The following MTMR2 variants were observed in gnomAD, a reference collection of about 807,000 sequenced individuals.
The protein encoded by MTMR2 is phosphatidylinositol-3,5-bisphosphate 3-phosphatase MTMR2.
In MTMR2, 55 loss-of-function variants were observed where a neutral mutation model predicts 86.9. The ratio of observed to expected loss-of-function variants is 0.63; its 90% CI spans 0.51 to 0.79. MTMR2 has a LOEUF of 0.79. MTMR2 is among the 30% of genes least tolerant of loss of function. The probability of loss-of-function intolerance (pLI) is 0.00; values close to 1 mark genes in which losing one functional copy is unlikely to be tolerated. For missense variants in MTMR2, 659 were observed against 772.3 expected (o/e 0.85, Z 1.74); for synonymous variants, 241 against 266.8 (o/e 0.90, Z 0.94).
chr11:95,867,504 A>T (rs751808588), intron 2 of MTMR2, among the ~76,000 whole-genome samples: 7 of 152,200 alleles, frequency 4.6e-5, no homozygotes, highest in Non-Finnish European at 7.3e-5. Flanking sequence ...TGAGAACCAC[A>T]CATAGGCTTT....
chr11:95,903,887 G>T (rs541486087), intron 1 of MTMR2, among the ~76,000 whole-genome samples: 1 of 152,250 alleles, frequency 6.6e-6, no homozygotes, highest in South Asian at 2.1e-4. Flanking sequence ...GGCTGAGGCA[G>T]GCGGATCACG....
At chr11:95,905,158 T>C (rs998579685) in intron 1 of MTMR2, among the ~76,000 whole-genome samples, 7 of 152,094 alleles carry the variant, frequency 4.6e-5, no homozygotes, top group Admixed American at 3.9e-4. Flanking sequence ...AATGGTTCCA[T>C]CTCACCTCCT....
intron 11 of MTMR2, among the ~76,000 whole-genome samples, chr11:95,844,709 T>C (rs1294074484): frequency 6.6e-6 from 1 of 152,198 alleles, no homozygotes; most frequent in Non-Finnish European, 1.5e-5. Flanking sequence ...CACTGAATGA[T>C]ATCCGATGTT....
chr11:95,921,313 T>C (rs1866914594), intron 1 of MTMR2, among the ~76,000 whole-genome samples: 1 of 152,222 alleles, frequency 6.6e-6, no homozygotes, highest in Non-Finnish European at 1.5e-5. Flanking sequence ...CCAAAGGCAG[T>C]TTCCCAATTA....
intron 11 of MTMR2, among the ~76,000 whole-genome samples, chr11:95,844,063 CG>C (rs899084238): frequency 6.6e-6 from 1 of 151,984 alleles, no homozygotes; most frequent in Admixed American, 6.6e-5. Flanking sequence ...GTAAAAAGAA[CG>C]GGGGGAGTAG....
Position 95,838,172 on chromosome 11 carries a change from G to A in MTMR2, c.1515C>T (p.Leu505=). Residue 505 remains leucine (L), a synonymous_variant, in exon 13 of 15, where the codon CTC becomes CTT. Transcript: ENST00000346299. ...PTAFEFNEYF[L]ITILDHLYSC... is the part of the protein sequence containing the mutation. The stretch of plus-strand genomic sequence containing the variant: ...TGTATAGGTGGTCCAAAATGGTAAT[G>A]AGAAAATACTCATTGAATTCAAATG... 1 of 1,609,660 alleles carries A rather than the reference G, an allele frequency of 6.2e-7. No homozygotes were observed. The highest frequency in any genetic ancestry group is 1.3e-5 in the African/African-American group (1 of 74,884).
rs114573242 is a variant in MTMR2, at chr11:95,851,812, T to G, written c.655-1063A>C. 4.1e-3 allele frequency among the ~76,000 whole-genome samples: 621 copies of G among 152,240 alleles called. 3 individuals are homozygous for G. Among genetic ancestry groups the G allele is most frequent in the African/African-American group, 0.013 (546 of 41,520 alleles). On this transcript the variant is annotated intron_variant, in intron 7 of 14. Coordinates refer to ENST00000346299, the MANE Select transcript of MTMR2 (RefSeq NM_016156.6). ...ATGGATGTTGCTAATCTAAAATATA[T>G]TAGAAAAGTAAGGGAGGAATGCAAG...
intron 9 of MTMR2, among the ~76,000 whole-genome samples, chr11:95,848,896 T>G (rs1357660642): frequency 2.0e-5 from 3 of 152,160 alleles, no homozygotes; most frequent in Non-Finnish European, 4.4e-5. Flanking sequence ...ACAGGAACTT[T>G]CAATTCAAAT....
At position 95,833,719 on chromosome 11, in the gene MTMR2, T is replaced by TG. The variant is rs1237800659; in HGVS notation, c.*1570dup. On this transcript the variant is annotated 3_prime_UTR_variant, in exon 15 of 15. Transcript: ENST00000346299. ...AGGTTTAAATGAGGAAAATGGCAGATGCGTTTGTGAAATACTTGGAGTAGA... is the reference window on the plus strand; with the variant it reads ...AGGTTTAAATGAGGAAAATGGCAGATGGCGTTTGTGAAATACTTGGAGTAGA... The TG allele has an allele frequency of 6.6e-6, 1 of 152,140 alleles. No individual in the cohort carries two copies. Among genetic ancestry groups the TG allele is most frequent in the African/African-American group, 2.4e-5 (1 of 41,450 alleles). The allele number at this position is 152,140 out of a possible 1,614,324, so 9.4% of individuals were successfully genotyped here.
chr11:95,910,463 G>C (rs1053961568), intron 1 of MTMR2, among the ~76,000 whole-genome samples: 2 of 151,882 alleles, frequency 1.3e-5, no homozygotes, highest in African/African-American at 2.4e-5. Context: ...ATACACTTTA[G>C]AGTATATACT....
rs565687733 is a variant in MTMR2 at position 95,923,512 on chromosome 11, GAC to G, written c.80+361_80+362del. On this transcript the variant is annotated intron_variant, in intron 1 of 14. Transcript: ENST00000346299. Reference sequence around the variant, plus strand: ...ACTTTAGGATGGTTTTGGAAAAAGTGACAGAGAAAGACAGGAAATGTGGGGAA... The same window carrying G: ...ACTTTAGGATGGTTTTGGAAAAAGTGAGAGAAAGACAGGAAATGTGGGGAA... Among the ~76,000 whole-genome samples the G allele has an allele frequency of 1.1e-4, 17 of 151,930 alleles. 1 individual carries two copies. The South Asian group carries it at 3.5e-3, about 32-fold the overall frequency.
intron 13 of MTMR2, 117 bp from the exon 14 acceptor site, chr11:95,836,441 G>A: frequency 1.0e-6 from 1 of 986,336 alleles, no homozygotes; most frequent in Non-Finnish European, 1.6e-6. Flanking sequence ...AAGTGGACTT[G>A]GAGACTTCAG....
Position 95,923,999 on chromosome 11 carries a change from G to A in MTMR2, c.-45C>T, listed in dbSNP as rs755563294. On this transcript the variant is annotated 5_prime_UTR_variant, in exon 1 of 15. Transcript: ENST00000346299. ...AGGGAAAGGCTGAAGCAGTCTTCGCGGCTACAGGGCGGGAGAAGCGGAGGG... is the reference window on the plus strand; with the variant it reads ...AGGGAAAGGCTGAAGCAGTCTTCGCAGCTACAGGGCGGGAGAAGCGGAGGG... 4.5e-6 allele frequency: 7 copies of A among 1,548,274 alleles called. No homozygotes were observed. In the Admixed American group the frequency reaches 9.8e-5, roughly 22 times the overall value.
intron 2 of MTMR2, among the ~76,000 whole-genome samples, chr11:95,876,713 C>T (rs1865126015): frequency 6.6e-6 from 1 of 152,132 alleles, no homozygotes; most frequent in Admixed American, 6.5e-5. Flanking sequence ...TTCCTCCCTT[C>T]CCAGCCCTGA....
intron 7 of MTMR2, among the ~76,000 whole-genome samples, chr11:95,855,640 G>C (rs1864183211): frequency 6.6e-6 from 1 of 151,616 alleles, no homozygotes; most frequent in Non-Finnish European, 1.5e-5. Flanking sequence ...CATTTTTTTA[G>C]TGGCAGCACA....
chr11:95,867,708 G>C (rs1038904611), intron 2 of MTMR2, among the ~76,000 whole-genome samples: 1 of 151,082 alleles, frequency 6.6e-6, no homozygotes, highest in Non-Finnish European at 1.5e-5. Context: ...CAAGTGAACA[G>C]AACAGGGATG....
At chr11:95,923,656 G>A in intron 1 of MTMR2, 2 of 1,416,148 alleles carry the variant, frequency 1.4e-6, no homozygotes, top group Non-Finnish European at 1.8e-6. Context: ...GAATATGAAA[G>A]GTAGAGGAAT....
chr11:95,914,969 C>T (rs1302858858), intron 1 of MTMR2, among the ~76,000 whole-genome samples: 1 of 152,112 alleles, frequency 6.6e-6, no homozygotes, highest in African/African-American at 2.4e-5. Flanking sequence ...TAGCACCATG[C>T]CCAGCATAGT....
At chr11:95,875,347 G>T (rs889086285) in intron 2 of MTMR2, among the ~76,000 whole-genome samples, 2 of 151,700 alleles carry the variant, frequency 1.3e-5, no homozygotes, top group Admixed American at 6.6e-5. Context: ...TCATTCATTT[G>T]ATCTTCCATC....
Sources: allele counts gnomAD v4.1 joint callset (sites outside exome capture counted in the v4.1 genomes callset), GRCh38; gene constraint gnomAD v4.1.1; transcripts MANE v1.5; gene names NCBI Gene and HGNC (gene_info 2026-07-23, HGNC 2026-07-21).